LRRC2: variants seen among roughly 807,000 people sequenced by gnomAD.
LRRC2 encodes the protein leucine rich repeat containing 2, also known as leucine-rich repeat-containing protein 2.
A neutral mutation model predicts 40.2 loss-of-function variants in LRRC2; 27 were observed. That is an observed-to-expected ratio of 0.67 (90% CI 0.49 to 0.93). The LOEUF is 0.93. LRRC2 is among the 40% of genes least tolerant of loss of function. LRRC2 has a pLI of 0.00. For synonymous variants in LRRC2, 147 were observed against 158.9 expected, an observed-to-expected ratio of 0.92 and a Z score of 0.56; for missense variants, 402 against 439.6, an observed-to-expected ratio of 0.91 and a Z score of 0.76.
chr3:46,516,941 C>T lies in LRRC2; in HGVS notation c.*2073G>A, dbSNP rs1703871778. ...GGACTGATCACCCTGCCATTTAGTG[C>T]TTCTTCCTTTAGAATCGCAACTGGC... On this transcript the variant is annotated 3_prime_UTR_variant, in exon 9 of 9. Coordinates refer to ENST00000395905, the MANE Select transcript of LRRC2 (RefSeq NM_024512.5). 6.6e-6 allele frequency: 1 copy of T among 152,242 alleles called. No homozygotes were observed. The highest frequency in any genetic ancestry group is 1.5e-5 in the Non-Finnish European group (1 of 68,054). The allele number at this position is 152,242 out of a possible 1,614,324, so 9.4% of individuals were successfully genotyped here. A position where few individuals can be genotyped will look rare whatever the true frequency, so the allele number is the denominator to read the frequency against.
At chr3:46,552,264 G>A (rs1475730751) in intron 1 of LRRC2, among the ~76,000 whole-genome samples, 1 of 151,782 alleles carries the variant, frequency 6.6e-6, no homozygotes, top group Non-Finnish European at 1.5e-5. Flanking sequence ...GGATAAGTTA[G>A]ATGAATTAAT....
At chr3:46,532,632 T>C in intron 5 of LRRC2, 141 bp downstream of exon 5, 1 of 931,914 alleles carries the variant, frequency 1.1e-6, no homozygotes. Context: ...TAAAGACCAG[T>C]ATACGGTGAT....
intron 1 of LRRC2, among the ~76,000 whole-genome samples, chr3:46,554,574 G>A (rs947446899): frequency 3.4e-4 from 52 of 151,360 alleles, no homozygotes; most frequent in African/African-American, 1.1e-3. Context: ...CCTGGGAGGC[G>A]GAGGTTGCAG....
In LRRC2 at chr3:46,527,633, A is replaced by G. The variant is rs1704083669; in HGVS notation, c.774-52T>C. Reference sequence around the variant, plus strand: ...CACTGGACTTAGCATCATAGCTAAGAAAACCAACATGAATTACAAATAAAT... The same window carrying G: ...CACTGGACTTAGCATCATAGCTAAGGAAACCAACATGAATTACAAATAAAT... On this transcript the variant is annotated intron_variant, in intron 6 of 8. Transcript: ENST00000395905. 3 of 1,457,686 alleles carry G rather than the reference A, an allele frequency of 2.1e-6. No individual in the cohort carries two copies. In the East Asian group the frequency reaches 6.8e-5, roughly 33 times the overall value. The allele number at this position is 1,457,686 out of a possible 1,614,324, so 90.3% of individuals were successfully genotyped here.
At chr3:46,543,562 G>A (rs1453660500) in intron 3 of LRRC2, among the ~76,000 whole-genome samples, 1 of 151,786 alleles carries the variant, frequency 6.6e-6, no homozygotes, top group Non-Finnish European at 1.5e-5. Flanking sequence ...CTTGCAGCGA[G>A]CTGAGATCGC....
At chr3:46,562,747 G>A (rs1231303591) in intron 1 of LRRC2, among the ~76,000 whole-genome samples, 1 of 78,224 alleles carries the variant, frequency 1.3e-5, no homozygotes, top group Non-Finnish European at 2.8e-5. Context: ...TTTTTTTTTT[G>A]AGATGAAGTC....
At chr3:46,521,477 C>T (rs745527962) in intron 8 of LRRC2, 45 bp downstream of exon 8, 18 of 1,433,062 alleles carry the variant, frequency 1.3e-5, no homozygotes, top group South Asian at 5.4e-5. Context: ...CATAAGTGGA[C>T]GTCTGTACAC....
intron 1 of LRRC2, among the ~76,000 whole-genome samples, chr3:46,555,790 GTTCC>G (rs1013400007): frequency 1.3e-5 from 2 of 152,082 alleles, no homozygotes; most frequent in African/African-American, 4.8e-5. Context: ...ATATGTTCCT[GTTCC>G]TTCCTTCCTG....
intron 7 of LRRC2, among the ~76,000 whole-genome samples, chr3:46,522,006 G>A (rs531342538): frequency 6.6e-6 from 1 of 152,132 alleles, no homozygotes; most frequent in East Asian, 1.9e-4. Context: ...CTCCCAGTAA[G>A]GGACATCCAA....
At chr3:46,543,650 A>AATAATAATAAAT (rs1237863381) in intron 3 of LRRC2, among the ~76,000 whole-genome samples, 1 of 46,286 alleles carries the variant, frequency 2.2e-5, no homozygotes, top group South Asian at 5.5e-4. Flanking sequence ...TAATAATAAT[A>AATAATAATAAAT]AATAATAAAT....
intron 5 of LRRC2, among the ~76,000 whole-genome samples, chr3:46,531,688 C>T (rs1238535381): frequency 1.3e-5 from 2 of 152,106 alleles, no homozygotes; most frequent in Non-Finnish European, 2.9e-5. Context: ...GGAACCATGA[C>T]CCCTGGCTGT....
In LRRC2 at chr3:46,530,548, C is replaced by CA. The variant is rs200029702; in HGVS notation, c.628-499dup. ...TGAGCTGAGATTATGCCACTGCACACAAAAAAAAGACATAACCAATACTGG... is the reference window on the plus strand; with the variant it reads ...TGAGCTGAGATTATGCCACTGCACACAAAAAAAAAGACATAACCAATACTGG... On this transcript the variant is annotated intron_variant, in intron 5 of 8. Transcript: ENST00000395905. 2.3e-3 allele frequency among the ~76,000 whole-genome samples: 341 copies of CA among 151,378 alleles called. 1 individual carries two copies. Among genetic ancestry groups the CA allele is most frequent in the African/African-American group, 7.8e-3 (321 of 41,248 alleles).
intron 5 of LRRC2, among the ~76,000 whole-genome samples, chr3:46,531,421 G>C (rs1704159042): frequency 6.6e-6 from 1 of 152,178 alleles, no homozygotes; most frequent in Non-Finnish European, 1.5e-5. Context: ...AAGGGGCAGA[G>C]AAGCAAACAG....
intron 7 of LRRC2, 49 bp downstream of exon 7, chr3:46,527,377 C>T (rs777307039): frequency 1.2e-6 from 2 of 1,606,652 alleles, no homozygotes; most frequent in African/African-American, 1.3e-5. Context: ...GTACTTCTCA[C>T]TCCTTACCTG....
In LRRC2 at chr3:46,541,332, C is replaced by CAAA. The variant is rs571449281; in HGVS notation, c.334-2134_334-2132dup. Among the ~76,000 whole-genome samples the CAAA allele has an allele frequency of 3.3e-4, 21 of 63,916 alleles. No homozygotes were observed. In the South Asian group the frequency reaches 4.8e-3, roughly 15 times the overall value. The allele number at this position is 63,916 out of a possible 152,430, so 41.9% of individuals were successfully genotyped here. A position where few individuals can be genotyped will look rare whatever the true frequency, so the allele number is the denominator to read the frequency against. On this transcript the variant is annotated intron_variant, in intron 3 of 8. Transcript: ENST00000395905. ...TGGGCGACAGAGCGAGACTCCGTCTCAAAAAAAAAAAAAAAAGAAAAGAAA... is the reference window on the plus strand; with the variant it reads ...TGGGCGACAGAGCGAGACTCCGTCTCAAAAAAAAAAAAAAAAAAAGAAAAGAAA...
intron 2 of LRRC2, among the ~76,000 whole-genome samples, chr3:46,546,995 T>A (rs1704540000): frequency 1.3e-5 from 2 of 152,146 alleles, no homozygotes; most frequent in Non-Finnish European, 2.9e-5. Flanking sequence ...TGGATCCCAT[T>A]GTAATCACCT....
chr3:46,527,362 C>A, intron 7 of LRRC2, 64 bp downstream of exon 7: 1 of 1,564,430 alleles, frequency 6.4e-7, no homozygotes, highest in Non-Finnish European at 8.8e-7. Context: ...GCTGCCCAGG[C>A]TCTGGTACTT....
intron 8 of LRRC2, among the ~76,000 whole-genome samples, chr3:46,519,953 A>C (rs116305471): frequency 6.5e-4 from 99 of 152,278 alleles, no homozygotes; most frequent in African/African-American, 2.3e-3. Flanking sequence ...CTGTAGGACA[A>C]AACCAGCTGA....
chr3:46,552,661 T>C (rs1325813581), intron 1 of LRRC2, among the ~76,000 whole-genome samples: 2 of 151,788 alleles, frequency 1.3e-5, no homozygotes, highest in Non-Finnish European at 2.9e-5. Flanking sequence ...AGTCTCTGCC[T>C]CTCCTCCCCA....
Sources: allele counts gnomAD v4.1 joint callset (sites outside exome capture counted in the v4.1 genomes callset), GRCh38; gene constraint gnomAD v4.1.1; transcripts MANE v1.5; gene names NCBI Gene and HGNC (gene_info 2026-07-23, HGNC 2026-07-21).